The following CHST9 variants were observed in gnomAD, a reference collection of about 807,000 sequenced individuals.
CHST9 encodes the protein GalNAc-4-sulfotransferase 2.
CHST9 carries 41 observed loss-of-function variants against 44.4 expected under a neutral mutation model. The observed-to-expected ratio is 0.92, with a 90% CI of 0.72 to 1.20. The LOEUF is 1.20. Among genes scored for constraint, CHST9 ranks in the 50% most tolerant of loss-of-function variants. The pLI, the probability that CHST9 is intolerant of heterozygous loss-of-function variation, is 0.00. For synonymous variants in CHST9, 171 were observed against 178.4 expected (o/e 0.96, Z 0.33); for missense variants, 504 against 516.5 (o/e 0.98, Z 0.23).
At chr18:26,988,492 G>A (rs1341156858) in intron 4 of CHST9, among the ~76,000 whole-genome samples, 1 of 152,072 alleles carries the variant, frequency 6.6e-6, no homozygotes, top group Non-Finnish European at 1.5e-5. Flanking sequence ...AAGTCACAAG[G>A]ACAAAACAAT....
At chr18:26,964,565 C>G (rs575659915) in intron 4 of CHST9, among the ~76,000 whole-genome samples, 1 of 152,208 alleles carries the variant, frequency 6.6e-6, no homozygotes, top group Non-Finnish European at 1.5e-5. Context: ...GACTGTGGGC[C>G]GTAAACAGGT....
chr18:26,929,787 A>G (rs2055843167), intron 5 of CHST9, among the ~76,000 whole-genome samples: 1 of 152,118 alleles, frequency 6.6e-6, no homozygotes, highest in South Asian at 2.1e-4. Flanking sequence ...AGAGAAGAGG[A>G]GGCACAAAAG....
chr18:26,928,742 C>T (rs1356203271), intron 5 of CHST9, among the ~76,000 whole-genome samples: 1 of 152,134 alleles, frequency 6.6e-6, no homozygotes, highest in Non-Finnish European at 1.5e-5. Flanking sequence ...CCACACAATC[C>T]TATCAGCTGT....
At chr18:27,038,308 G>T (rs1249828395) in intron 3 of CHST9, among the ~76,000 whole-genome samples, 1 of 152,174 alleles carries the variant, frequency 6.6e-6, no homozygotes. Context: ...CATTTTGGGA[G>T]GCTGAGGTGG....
intron 2 of CHST9, among the ~76,000 whole-genome samples, chr18:27,126,722 A>AGCTTCAAGCAGGAGGATAATCAG: frequency 6.6e-6 from 1 of 152,198 alleles, no homozygotes; most frequent in African/African-American, 2.4e-5. Context: ...AGACATGAAG[A>AGCTTCAAGCAGGAGGATAATCAG]GCTTCAAGCA....
chr18:27,179,985 A>G (rs1055507731), intron 1 of CHST9, among the ~76,000 whole-genome samples: 1 of 152,140 alleles, frequency 6.6e-6, no homozygotes, highest in East Asian at 1.9e-4. Flanking sequence ...TTTTAGTGGA[A>G]GTATATCAAT....
chr18:27,041,619 C>T (rs1471737499), intron 3 of CHST9, among the ~76,000 whole-genome samples: 1 of 152,114 alleles, frequency 6.6e-6, no homozygotes, highest in Non-Finnish European at 1.5e-5. Flanking sequence ...GTGTTCATAT[C>T]TGTACTTTGA....
At chr18:27,147,833 G>C (rs2058625884) in intron 1 of CHST9, 1 of 145,358 alleles carries the variant, frequency 6.9e-6, no homozygotes, top group African/African-American at 2.6e-5. Flanking sequence ...ACACTATTCT[G>C]TTCTATTGAT....
At chr18:27,068,893 A>G (rs575858904) in intron 2 of CHST9, among the ~76,000 whole-genome samples, 1 of 152,168 alleles carries the variant, frequency 6.6e-6, no homozygotes, top group Admixed American at 6.5e-5. Flanking sequence ...GCTCCTCCTC[A>G]CATTTTTTAC....
At chr18:27,114,883 T>A (rs1167291782) in intron 2 of CHST9, among the ~76,000 whole-genome samples, 2 of 152,234 alleles carry the variant, frequency 1.3e-5, no homozygotes, top group African/African-American at 2.4e-5. Context: ...GATTTGGCTG[T>A]GTCCCCACCC....
intron 5 of CHST9, among the ~76,000 whole-genome samples, chr18:26,927,990 T>C (rs538871287): frequency 8.2e-6 from 1 of 122,454 alleles, no homozygotes; most frequent in Admixed American, 9.1e-5. Context: ...GGAGTGGTGA[T>C]GACTTTTAAC....
At chr18:27,175,156 A>ATTTTTTTTTTTATGTT (rs1307415454) in intron 1 of CHST9, among the ~76,000 whole-genome samples, 1 of 151,846 alleles carries the variant, frequency 6.6e-6, no homozygotes, top group Non-Finnish European at 1.5e-5. Context: ...TATAACATAG[A>ATTTTTTTTTTTATGTT]CTTTTATATT....
At chr18:27,042,418 C>T (rs1337738568) in intron 3 of CHST9, among the ~76,000 whole-genome samples, 1 of 152,080 alleles carries the variant, frequency 6.6e-6, no homozygotes, top group Non-Finnish European at 1.5e-5. Flanking sequence ...TGTGTAAATA[C>T]TCCCACCATG....
intron 2 of CHST9, among the ~76,000 whole-genome samples, chr18:27,058,489 C>A (rs1480467818): frequency 6.6e-6 from 1 of 152,168 alleles, no homozygotes; most frequent in Non-Finnish European, 1.5e-5. Context: ...TGATGTTTTT[C>A]CAATCCCTAA....
intron 5 of CHST9, among the ~76,000 whole-genome samples, chr18:26,922,286 A>G (rs2055671984): frequency 6.6e-6 from 1 of 152,100 alleles, no homozygotes. Flanking sequence ...TAAAAATCCT[A>G]CTTTCTCCAT....
intron 4 of CHST9, among the ~76,000 whole-genome samples, chr18:26,980,247 G>A (rs996167586): frequency 6.6e-6 from 1 of 152,094 alleles, no homozygotes; most frequent in Non-Finnish European, 1.5e-5. Context: ...AGAAGACTAT[G>A]AGCTCCTTTA....
chr18:27,138,145 ACTC>A (rs2058532613), intron 2 of CHST9, among the ~76,000 whole-genome samples: 1 of 151,162 alleles, frequency 6.6e-6, no homozygotes, highest in Non-Finnish European at 1.5e-5. Context: ...GTCACAAAGG[ACTC>A]CTCCTTTTGT....
chr18:26,941,898 A>G (rs1231083026), intron 5 of CHST9, among the ~76,000 whole-genome samples: 1 of 152,186 alleles, frequency 6.6e-6, no homozygotes, highest in African/African-American at 2.4e-5. Context: ...CCAGCAGGCT[A>G]GAGCTTCCCC....
At chr18:27,146,491 CT>C (rs1418641415) in intron 1 of CHST9, among the ~76,000 whole-genome samples, 1 of 152,178 alleles carries the variant, frequency 6.6e-6, no homozygotes, top group Non-Finnish European at 1.5e-5. Context: ...GAAAACACAC[CT>C]ATTTGGAGAT....
Sources: gnomAD v4.1 joint callset for allele counts (sites outside exome capture counted in the v4.1 genomes callset) on GRCh38, gnomAD v4.1.1 for gene constraint, MANE v1.5 for transcripts, NCBI Gene and HGNC (gene_info 2026-07-23, HGNC 2026-07-21) for gene names.